CCSER1: variants seen among roughly 807,000 people sequenced by gnomAD.
CCSER1 encodes the protein coiled-coil serine rich protein 1, also known as serine-rich coiled-coil domain-containing protein 1.
Under a neutral mutation model 82.0 loss-of-function variants are expected in CCSER1, and 41 were observed. The observed-to-expected ratio is 0.50, with a 90% CI of 0.39 to 0.65. The LOEUF (loss-of-function observed/expected upper bound fraction) is 0.65. CCSER1 is among the 30% of genes least tolerant of loss of function. The pLI is 0.00. For missense variants in CCSER1, 1,119 were observed against 1,064.2 expected (o/e 1.05, Z -0.72); for synonymous variants, 414 against 383.9 (o/e 1.08, Z -0.92).
intron 5 of CCSER1, among the ~76,000 whole-genome samples, chr4:90,604,325 T>A (rs1784366365): frequency 6.6e-6 from 1 of 152,162 alleles, no homozygotes; most frequent in Admixed American, 6.5e-5. Flanking sequence ...AGGCTGCCCA[T>A]GTGTACCGGA....
intron 10 of CCSER1, among the ~76,000 whole-genome samples, chr4:91,164,634 T>C (rs199499902): frequency 1.3e-5 from 2 of 152,324 alleles, no homozygotes; most frequent in Non-Finnish European, 2.9e-5. Context: ...CATTTCTTTC[T>C]ATTCTTTTTT....
At chr4:90,870,126 T>C (rs936944623) in intron 8 of CCSER1, among the ~76,000 whole-genome samples, 79 of 152,070 alleles carry the variant, frequency 5.2e-4, no homozygotes, top group African/African-American at 1.8e-3. Context: ...TATAAGATCA[T>C]ATTATCTGCA....
At chr4:90,638,276 A>C (rs565022971) in intron 6 of CCSER1, among the ~76,000 whole-genome samples, 6 of 152,238 alleles carry the variant, frequency 3.9e-5, no homozygotes, top group Non-Finnish European at 5.9e-5. Context: ...TGGTTGTTGC[A>C]CAGGTTTCCA....
chr4:90,348,958 A>C (rs1224543315), intron 3 of CCSER1, among the ~76,000 whole-genome samples: 1 of 152,010 alleles, frequency 6.6e-6, no homozygotes, highest in Non-Finnish European at 1.5e-5. Context: ...TTTTTTATTT[A>C]TCTCTGTGGC....
At chr4:90,239,747 G>A (rs1746488366) in intron 1 of CCSER1, among the ~76,000 whole-genome samples, 1 of 152,078 alleles carries the variant, frequency 6.6e-6, no homozygotes, top group Non-Finnish European at 1.5e-5. Context: ...AAAGTACTGG[G>A]ATTATAGGCA....
chr4:90,881,760 G>A (rs903686203), intron 8 of CCSER1, among the ~76,000 whole-genome samples: 3 of 152,096 alleles, frequency 2.0e-5, no homozygotes, highest in Non-Finnish European at 4.4e-5. Flanking sequence ...ACTCCAAGCT[G>A]GGTGACAGAG....
At chr4:90,627,484 C>T (rs928366040) in intron 5 of CCSER1, among the ~76,000 whole-genome samples, 7 of 151,582 alleles carry the variant, frequency 4.6e-5, no homozygotes, top group African/African-American at 1.7e-4. Context: ...AGCAGAAGCC[C>T]TAAACTGTTT....
intron 8 of CCSER1, among the ~76,000 whole-genome samples, chr4:90,916,852 A>G (rs1191977268): frequency 6.6e-6 from 1 of 152,232 alleles, no homozygotes; most frequent in Admixed American, 6.5e-5. Flanking sequence ...AAGTGGGCAA[A>G]GGATATGAAC....
At chr4:90,285,250 A>G (rs1186354387) in intron 1 of CCSER1, among the ~76,000 whole-genome samples, 1 of 152,016 alleles carries the variant, frequency 6.6e-6, no homozygotes, top group African/African-American at 2.4e-5. Context: ...GGGCATTTTA[A>G]CAATATTGAT....
intron 5 of CCSER1, among the ~76,000 whole-genome samples, chr4:90,484,141 A>G (rs1428650059): frequency 6.6e-6 from 1 of 151,998 alleles, no homozygotes; most frequent in Non-Finnish European, 1.5e-5. Context: ...CATCACTGGT[A>G]CCCTTTCTTC....
chr4:90,220,023 C>G (rs1365074996), intron 1 of CCSER1, among the ~76,000 whole-genome samples: 1 of 152,094 alleles, frequency 6.6e-6, no homozygotes, highest in Admixed American at 6.6e-5. Flanking sequence ...TTTCAGTTAA[C>G]CTGTGGTCAA....
At chr4:90,944,544 G>A (rs1217272138) in intron 9 of CCSER1, among the ~76,000 whole-genome samples, 3 of 152,172 alleles carry the variant, frequency 2.0e-5, no homozygotes, top group Admixed American at 2.0e-4. Context: ...TCATAGCTCA[G>A]ATCTTTAGGA....
At chr4:91,172,689 A>G (rs1732886869) in intron 10 of CCSER1, among the ~76,000 whole-genome samples, 1 of 152,168 alleles carries the variant, frequency 6.6e-6, no homozygotes, top group Admixed American at 6.5e-5. Context: ...ATATTTCTAC[A>G]CTTCCAGGCT....
At chr4:90,942,034 G>C (rs927120432) in intron 9 of CCSER1, among the ~76,000 whole-genome samples, 12 of 151,820 alleles carry the variant, frequency 7.9e-5, no homozygotes, top group African/African-American at 2.7e-4. Flanking sequence ...TGCAACGTCT[G>C]CCTCTCGGGC....
At chr4:90,772,903 C>T (rs1309281084) in intron 7 of CCSER1, among the ~76,000 whole-genome samples, 3 of 152,008 alleles carry the variant, frequency 2.0e-5, no homozygotes, top group Admixed American at 6.6e-5. Flanking sequence ...GTGTTGCACA[C>T]GAAATGAAAT....
At chr4:90,330,319 A>G (rs565148338) in intron 3 of CCSER1, among the ~76,000 whole-genome samples, 1 of 152,332 alleles carries the variant, frequency 6.6e-6, no homozygotes, top group Admixed American at 6.5e-5. Flanking sequence ...GGGATGAGAC[A>G]GTATATCTCA....
chr4:91,192,559 C>T (rs1735091413), intron 10 of CCSER1, among the ~76,000 whole-genome samples: 1 of 151,884 alleles, frequency 6.6e-6, no homozygotes, highest in African/African-American at 2.4e-5. Context: ...CTTTTTTGCC[C>T]ACACATCTTA....
intron 10 of CCSER1, among the ~76,000 whole-genome samples, chr4:91,287,777 C>T (rs1743398091): frequency 6.6e-6 from 1 of 151,808 alleles, no homozygotes; most frequent in Non-Finnish European, 1.5e-5. Context: ...AAATCATCCA[C>T]ATACCACAGG....
At position 91,361,771 on chromosome 4, in the gene CCSER1, T is replaced by G. The variant is rs571073848; in HGVS notation, c.2218-236801T>G. ...ATGAAGACCATTAGATATTTATGCA[T>G]TAGTTCAAAAAATATGTATTGAACA... On this transcript the variant is annotated intron_variant, in intron 10 of 10. Transcript: ENST00000509176. Among the ~76,000 whole-genome samples the G allele has an allele frequency of 4.9e-4, 75 of 151,882 alleles. 2 individuals carry two copies. The highest frequency in any genetic ancestry group is 9.7e-4 in the Non-Finnish European group (66 of 67,820).
Sources: allele counts gnomAD v4.1 joint callset (sites outside exome capture counted in the v4.1 genomes callset), GRCh38; gene constraint gnomAD v4.1.1; transcripts MANE v1.5; gene names NCBI Gene and HGNC (gene_info 2026-07-23, HGNC 2026-07-21).